The following CLEC4C variants were observed in gnomAD, a reference collection of about 807,000 sequenced individuals.
CLEC4C encodes the protein C-type lectin domain family 4 member C, also known as C-type (calcium dependent, carbohydrate-recognition domain) lectin, superfamily member 11.
CLEC4C carries 17 observed loss-of-function variants against 27.7 expected under a neutral mutation model. The ratio of observed to expected loss-of-function variants is 0.61; its 90% CI spans 0.42 to 0.92. The LOEUF is 0.92. CLEC4C is among the 40% of genes least tolerant of loss of function. The pLI is 0.00. For synonymous variants in CLEC4C, 80 were observed against 80.8 expected, an observed-to-expected ratio of 0.99 and a Z score of 0.06; for missense variants, 244 against 257.3, an observed-to-expected ratio of 0.95 and a Z score of 0.35.
At chr12:7,731,910 C>T (rs751773378) in intron 4 of CLEC4C, among the ~76,000 whole-genome samples, 35 of 152,126 alleles carry the variant, frequency 2.3e-4, no homozygotes, top group Non-Finnish European at 4.1e-4. Flanking sequence ...GCCGAGCTCA[C>T]GTTATTGCAC....
chr12:7,741,270 G>T (rs1025398575), intron 3 of CLEC4C, 151 bp downstream of exon 3: 1 of 583,142 alleles, frequency 1.7e-6, no homozygotes. Flanking sequence ...CCAGCCTGAG[G>T]TGTCTATTTA....
At chr12:7,730,731 C>A in intron 5 of CLEC4C, 66 bp downstream of exon 5, 1 of 761,320 alleles carries the variant, frequency 1.3e-6, no homozygotes. Flanking sequence ...TGCTTAATAG[C>A]TGATGGAACA....
intron 4 of CLEC4C, among the ~76,000 whole-genome samples, chr12:7,732,244 G>A (rs894566261): frequency 1.3e-5 from 2 of 152,220 alleles, no homozygotes; most frequent in African/African-American, 2.4e-5. Context: ...TGGCCAGGCT[G>A]GTCTCAAACT....
rs934387284 is a variant in CLEC4C, at chr12:7,741,487, T to C, written c.169A>G (p.Lys57Glu). ...MYSKTVKRLS[K>E]LREYQQYHPS... ...TGATACTGTTGATACTCTCGTAACTTGGACAGCCTCTTGACAGTTTTGCTA... is the reference window on the plus strand; with the variant it reads ...TGATACTGTTGATACTCTCGTAACTCGGACAGCCTCTTGACAGTTTTGCTA... Residue 57 changes from lysine (K) to glutamate (E), a missense_variant, in exon 3 of 6, where the codon AAG becomes GAG. Lys to Glu is a moderately conservative substitution (Grantham distance 56). Coordinates refer to ENST00000360345, the MANE Select transcript of CLEC4C (RefSeq NM_001371390.1). 2 of 1,612,742 alleles carry C rather than the reference T, an allele frequency of 1.2e-6. No individual in the cohort carries two copies. The highest frequency in any genetic ancestry group is 2.7e-5 in the African/African-American group (2 of 75,040).
At chr12:7,738,695 T>C (rs1864782357) in intron 3 of CLEC4C, among the ~76,000 whole-genome samples, 1 of 151,814 alleles carries the variant, frequency 6.6e-6, no homozygotes, top group Admixed American at 6.6e-5. Context: ...AGAGACAGAG[T>C]CTTGCTTCGT....
intron 3 of CLEC4C, among the ~76,000 whole-genome samples, chr12:7,738,283 C>G (rs909399066): frequency 2.0e-5 from 3 of 152,070 alleles, no homozygotes; most frequent in African/African-American, 7.2e-5. Context: ...GGGAATATTT[C>G]TCACTCAGAA....
chr12:7,737,223 A>G (rs1351941684), intron 4 of CLEC4C, among the ~76,000 whole-genome samples: 1 of 151,978 alleles, frequency 6.6e-6, no homozygotes, highest in African/African-American at 2.4e-5. Flanking sequence ...AAAAGGAGAC[A>G]GTCCCCCCAA....
chr12:7,742,511 G>GAAA (rs58893714), intron 2 of CLEC4C, among the ~76,000 whole-genome samples: 10 of 118,994 alleles, frequency 8.4e-5, no homozygotes, highest in Admixed American at 1.7e-4. Context: ...ACTTTGTCTC[G>GAAA]AAAAAAAAAA....
chr12:7,735,445 G>T (rs1157936351), intron 4 of CLEC4C, among the ~76,000 whole-genome samples: 5 of 144,706 alleles, frequency 3.5e-5, no homozygotes, highest in South Asian at 2.3e-4. Context: ...AGAGGTTGCA[G>T]TAAGCAGAGA....
intron 4 of CLEC4C, among the ~76,000 whole-genome samples, chr12:7,734,265 C>T (rs1039978510): frequency 4.6e-5 from 7 of 152,016 alleles, no homozygotes; most frequent in Non-Finnish European, 1.0e-4. Flanking sequence ...CATAAGAAGT[C>T]AAAACAAATA....
chr12:7,730,941 C>G (rs756767799), intron 4 of CLEC4C, 29 bp from the exon 5 acceptor site: 1 of 1,194,010 alleles, frequency 8.4e-7, no homozygotes, highest in Non-Finnish European at 1.3e-6. Context: ...AGAGTCATAG[C>G]TGATAGAGCA....
intron 4 of CLEC4C, among the ~76,000 whole-genome samples, chr12:7,732,738 G>A (rs993519761): frequency 4.0e-5 from 6 of 151,422 alleles, no homozygotes; most frequent in African/African-American, 7.3e-5. Flanking sequence ...TGAGGATGGC[G>A]GATCACGAGG....
intron 5 of CLEC4C, 65 bp from the exon 6 acceptor site, chr12:7,729,805 A>AG: frequency 6.7e-7 from 1 of 1,489,712 alleles, no homozygotes; most frequent in Non-Finnish European, 9.3e-7. Context: ...AGAGACTGGG[A>AG]GAGGGCTAGG....
chr12:7,745,137 C>A (rs1360132117), intron 2 of CLEC4C, among the ~76,000 whole-genome samples: 1 of 152,016 alleles, frequency 6.6e-6, no homozygotes, highest in South Asian at 2.1e-4. Context: ...ATATGGAAGT[C>A]CCAAGCTCCA....
chr12:7,734,708 C>T (rs963799727), intron 4 of CLEC4C, among the ~76,000 whole-genome samples: 1 of 151,822 alleles, frequency 6.6e-6, no homozygotes, highest in East Asian at 1.9e-4. Context: ...GCCACCATGC[C>T]GAGCTAATTT....
At position 7,729,585 on chromosome 12, in the gene CLEC4C, G is replaced by A. The variant is rs758266234; in HGVS notation, c.*11C>T. On this transcript the variant is annotated 3_prime_UTR_variant, in exon 6 of 6. Coordinates refer to ENST00000360345, the MANE Select transcript of CLEC4C (RefSeq NM_001371390.1). The stretch of plus-strand genomic sequence containing the variant: ...GCCAACCCAAACACATTTCCAGGGA[G>A]AATATTTCATTTATATGTAGATCTT... The A allele has an allele frequency of 2.1e-5, 34 of 1,611,372 alleles. No individual in the cohort carries two copies. Among genetic ancestry groups the A allele is most frequent in the Non-Finnish European group, 2.9e-5 (34 of 1,178,584 alleles).
chr12:7,745,181 G>A lies in CLEC4C; in HGVS notation c.124+1150C>T, dbSNP rs1449633827. 2.6e-5 allele frequency among the ~76,000 whole-genome samples: 4 copies of A among 152,016 alleles called. No individual in the cohort carries two copies. In the East Asian group the frequency reaches 7.7e-4, roughly 29 times the overall value. On this transcript the variant is annotated intron_variant, in intron 2 of 5. Transcript: ENST00000360345. ...TATTTGAAGATAGGGGCTTTGGGAG[G>A]AAATCAGGTTTAGATGAGGTTATGA...
intron 3 of CLEC4C, among the ~76,000 whole-genome samples, chr12:7,740,864 G>C (rs1007996653): frequency 2.0e-5 from 3 of 146,460 alleles, no homozygotes; most frequent in African/African-American, 7.6e-5. Flanking sequence ...TTTTTGAGAC[G>C]GAGTCTCGCT....
At chr12:7,739,146 T>C (rs1448483393) in intron 3 of CLEC4C, among the ~76,000 whole-genome samples, 1 of 152,022 alleles carries the variant, frequency 6.6e-6, no homozygotes, top group Non-Finnish European at 1.5e-5. Context: ...GGCATCTCGC[T>C]CTGTCGCCCA....
Sources: allele counts gnomAD v4.1 joint callset (sites outside exome capture counted in the v4.1 genomes callset), GRCh38; gene constraint gnomAD v4.1.1; transcripts MANE v1.5; gene names NCBI Gene and HGNC (gene_info 2026-07-23, HGNC 2026-07-21).